The following MYCBP variants were observed in gnomAD, a reference collection of about 807,000 sequenced individuals.
MYCBP encodes C-Myc-binding protein.
A neutral mutation model predicts 16.8 loss-of-function variants in MYCBP; 5 were observed. That is an observed-to-expected ratio of 0.30 (90% CI 0.16 to 0.63). The LOEUF is 0.63. Among genes scored for constraint, MYCBP ranks in the 20% least tolerant of loss-of-function variants. The pLI, the probability that MYCBP is intolerant of heterozygous loss-of-function variation, is 0.83. For synonymous variants in MYCBP, 35 were observed against 43.7 expected (o/e 0.80, Z 0.79); for missense variants, 103 against 121.8 (o/e 0.85, Z 0.73).
At chr1:38,865,830 A>AAT (rs1642323647) in intron 4 of MYCBP, among the ~76,000 whole-genome samples, 2 of 152,068 alleles carry the variant, frequency 1.3e-5, no homozygotes, top group Admixed American at 1.3e-4. Context: ...AGCACTAGAT[A>AAT]AAATTAAGTC....
chr1:38,868,706 C>T (rs970629441), intron 2 of MYCBP, among the ~76,000 whole-genome samples: 2 of 152,160 alleles, frequency 1.3e-5, no homozygotes, highest in African/African-American at 2.4e-5. Context: ...GAGATCAAGA[C>T]CATCCTGGCT....
At chr1:38,870,203 C>T (rs921138669) in intron 2 of MYCBP, among the ~76,000 whole-genome samples, 5 of 150,854 alleles carry the variant, frequency 3.3e-5, no homozygotes, top group East Asian at 2.0e-4. Context: ...AAAAATCAGC[C>T]GGACATGGTG....
chr1:38,870,216 G>A (rs900885669), intron 2 of MYCBP, among the ~76,000 whole-genome samples: 1 of 151,170 alleles, frequency 6.6e-6, no homozygotes, highest in Non-Finnish European at 1.5e-5. Context: ...ACATGGTGGT[G>A]CGTGCCTGTA....
intron 2 of MYCBP, among the ~76,000 whole-genome samples, chr1:38,871,045 G>A (rs1038576938): frequency 6.6e-6 from 1 of 152,002 alleles, no homozygotes; most frequent in Non-Finnish European, 1.5e-5. Context: ...TTCAAGACCA[G>A]CCTGGCCCAT....
At chr1:38,867,913 G>T (rs1381976754) in intron 2 of MYCBP, among the ~76,000 whole-genome samples, 1 of 152,192 alleles carries the variant, frequency 6.6e-6, no homozygotes, top group Non-Finnish European at 1.5e-5. Context: ...CTAAAGGAAG[G>T]CAAAGACCTG....
chr1:38,869,060 A>AT (rs1557595413), intron 2 of MYCBP, among the ~76,000 whole-genome samples: 1 of 148,530 alleles, frequency 6.7e-6, no homozygotes, highest in Non-Finnish European at 1.5e-5. Flanking sequence ...AAAAATCACT[A>AT]TTTTTTGAGA....
chr1:38,867,673 G>T (rs1159507480), intron 2 of MYCBP, 63 bp from the exon 3 acceptor site: 2 of 1,410,710 alleles, frequency 1.4e-6, no homozygotes, highest in East Asian at 2.3e-5. Flanking sequence ...CTGAAATTAT[G>T]TTCCATTACC....
chr1:38,872,871 C>T, intron 2 of MYCBP, 147 bp downstream of exon 2: 2 of 905,106 alleles, frequency 2.2e-6, no homozygotes, highest in Non-Finnish European at 3.3e-6. Context: ...AGCCAGGTCC[C>T]TGCTGAACCC....
chr1:38,866,457 C>T (rs1227542692), intron 4 of MYCBP, among the ~76,000 whole-genome samples: 5 of 151,664 alleles, frequency 3.3e-5, no homozygotes, highest in Admixed American at 2.0e-4. Flanking sequence ...TGTTCTGTCA[C>T]CCAGGCTGGA....
chr1:38,865,406 G>C (rs1420225326), intron 4 of MYCBP, among the ~76,000 whole-genome samples: 1 of 152,142 alleles, frequency 6.6e-6, no homozygotes, highest in East Asian at 1.9e-4. Context: ...GAAATACTTA[G>C]AGTAATGTAA....
chr1:38,868,741 TA>T (rs369929796), intron 2 of MYCBP, among the ~76,000 whole-genome samples: 4,279 of 151,960 alleles, frequency 0.028, 74 homozygotes, highest in Non-Finnish European at 0.035. Context: ...CCGTCTCTAC[TA>T]AAAAATACAA....
chr1:38,866,759 G>A (rs921738920), intron 4 of MYCBP, 121 bp downstream of exon 4: 2 of 862,396 alleles, frequency 2.3e-6, no homozygotes, highest in Middle Eastern at 3.5e-4. Context: ...GCCTTACATT[G>A]TAATTAATTC....
At chr1:38,873,159 G>A (rs1642504404) in intron 1 of MYCBP, 69 bp from the exon 2 acceptor site, 3 of 1,550,642 alleles carry the variant, frequency 1.9e-6, no homozygotes, top group Non-Finnish European at 1.7e-6. Context: ...TGGGAGTCCG[G>A]CAACCCCGCC....
chr1:38,869,407 C>T (rs1642414112), intron 2 of MYCBP, among the ~76,000 whole-genome samples: 1 of 152,066 alleles, frequency 6.6e-6, no homozygotes, highest in African/African-American at 2.4e-5. Flanking sequence ...TTTTATAAGA[C>T]ATGAATATTA....
rs1642269883 is a variant in MYCBP, at chr1:38,862,885, G to A, written c.*1785C>T. On this transcript the variant is annotated 3_prime_UTR_variant, in exon 5 of 5. Transcript: ENST00000397572. ...CTAATCAAATGAGTAAAAAGCCCAT[G>A]AGGATTGGCTGCCACAAAAAATTTT... is the stretch of plus-strand genomic sequence containing the variant. 2 of 152,186 alleles carry A rather than the reference G, an allele frequency of 1.3e-5. No individual in the cohort carries two copies. The highest frequency in any genetic ancestry group is 4.8e-5 in the African/African-American group (2 of 41,440). 9.4% of individuals were successfully genotyped at this position (152,186 alleles called of 1,614,324 possible). A position where few individuals can be genotyped will look rare whatever the true frequency, so the allele number is the denominator to read the frequency against.
chr1:38,872,472 TA>T (rs1642485623), intron 2 of MYCBP: 1 of 146,414 alleles, frequency 6.8e-6, no homozygotes, highest in Non-Finnish European at 1.5e-5. Context: ...CTTTAAGCTG[TA>T]ATTCTACTTT....
intron 4 of MYCBP, among the ~76,000 whole-genome samples, chr1:38,865,028 C>G (rs763320349): frequency 3.3e-5 from 5 of 152,178 alleles, no homozygotes; most frequent in Admixed American, 6.5e-5. Context: ...TTATAAGGAA[C>G]TTTCTTCCTC....
chr1:38,871,796 ATT>A (rs1642472561), intron 2 of MYCBP, among the ~76,000 whole-genome samples: 1 of 152,038 alleles, frequency 6.6e-6, no homozygotes, highest in African/African-American at 2.4e-5. Context: ...TTATTTATGT[ATT>A]TCTCTCCCTC....
At position 38,862,643 on chromosome 1, in the gene MYCBP, CTTG is replaced by C. The variant is rs1008062305; in HGVS notation, c.*2024_*2026del. 3.9e-5 allele frequency among the ~76,000 whole-genome samples: 6 copies of C among 152,200 alleles called. No individual in the cohort carries two copies. The highest frequency in any genetic ancestry group is 5.9e-5 in the Non-Finnish European group (4 of 68,044). Reference sequence around the variant, plus strand: ...ATCCATTTTCTCTTCCATGGAGCATCTTGTTGTATTCATCCAAATCCTTGACAG... The same window carrying C: ...ATCCATTTTCTCTTCCATGGAGCATCTTGTATTCATCCAAATCCTTGACAG... On this transcript the variant is annotated 3_prime_UTR_variant, in exon 5 of 5. Coordinates refer to ENST00000397572, the MANE Select transcript of MYCBP (RefSeq NM_012333.5).
Sources: gnomAD v4.1 joint callset for allele counts (sites outside exome capture counted in the v4.1 genomes callset) on GRCh38, gnomAD v4.1.1 for gene constraint, MANE v1.5 for transcripts, NCBI Gene and HGNC (gene_info 2026-07-23, HGNC 2026-07-21) for gene names.